GUCA1C: variants seen among roughly 807,000 people sequenced by gnomAD.
GUCA1C encodes the protein guanylate cyclase activator 1C.
GUCA1C carries 15 observed loss-of-function variants against 16.2 expected under a neutral mutation model. The observed-to-expected ratio is 0.93, with a 90% CI of 0.62 to 1.43. The LOEUF (loss-of-function observed/expected upper bound fraction) is 1.43. Among genes scored for constraint, GUCA1C ranks in the 40% most tolerant of loss-of-function variants. The pLI, the probability that GUCA1C is intolerant of heterozygous loss-of-function variation, is 0.00. For missense variants in GUCA1C, 275 were observed against 244.8 expected (o/e 1.12, Z -0.82); for synonymous variants, 78 against 85.4 (o/e 0.91, Z 0.48).
intron 1 of GUCA1C, among the ~76,000 whole-genome samples, chr3:108,938,319 A>C (rs1228411752): frequency 1.3e-5 from 2 of 152,170 alleles, no homozygotes; most frequent in Non-Finnish European, 2.9e-5. Context: ...TTTCTTTAAC[A>C]TATGACACTT....
intron 1 of GUCA1C, among the ~76,000 whole-genome samples, chr3:108,948,438 C>CT (rs1235212653): frequency 3.9e-5 from 6 of 152,176 alleles, no homozygotes; most frequent in Admixed American, 1.3e-4. Context: ...AATTAAACCT[C>CT]TTTTCTTTAT....
rs764783316 is a variant in GUCA1C at position 108,920,417 on chromosome 3, A to T, written c.354+19T>A. ...AACTATATAGCGGCCTGAAAAGGAT[A>T]CTTTACTACTTCACTTACCATGAAC... is the stretch of plus-strand genomic sequence containing the variant. On this transcript the variant is annotated intron_variant, in intron 2 of 3. Transcript: ENST00000261047. 4 of 1,591,232 alleles carry T rather than the reference A, an allele frequency of 2.5e-6. No individual in the cohort carries two copies. Among genetic ancestry groups the T allele is most frequent in the Non-Finnish European group, 3.4e-6 (4 of 1,160,026 alleles).
In GUCA1C at chr3:108,953,594, T is replaced by A. The variant is rs774789002; in HGVS notation, c.169A>T (p.Ile57Phe). 2.7e-5 allele frequency: 44 copies of A among 1,609,730 alleles called. No homozygotes were observed. Among genetic ancestry groups the A allele is most frequent in the Non-Finnish European group, 3.5e-5 (41 of 1,176,118 alleles). Residue 57 changes from isoleucine (I) to phenylalanine (F), a missense_variant, in exon 1 of 4, where the codon ATT (isoleucine) becomes TTT (phenylalanine). Physicochemically the swap from Ile to Phe is conservative, Grantham distance 21 (BLOSUM62 0). Transcript: ENST00000261047. Reference sequence around the variant, plus strand: ...TCAAAGGTATTATAAACTTGATCAATATGTTTATTGGCCTTCTGATTCAGA... The same window carrying A: ...TCAAAGGTATTATAAACTTGATCAAAATGTTTATTGGCCTTCTGATTCAGA... Reference protein sequence around the residue: ...QGLNQKANKHIDQVYNTFDTN... With the variant: ...QGLNQKANKHFDQVYNTFDTN...
chr3:108,936,040 G>C (rs1946724304), intron 1 of GUCA1C, among the ~76,000 whole-genome samples: 1 of 152,018 alleles, frequency 6.6e-6, no homozygotes, highest in Non-Finnish European at 1.5e-5. Context: ...TAAGACAGGT[G>C]AATCGCTTGA....
intron 3 of GUCA1C, among the ~76,000 whole-genome samples, chr3:108,908,870 T>A (rs1946418971): frequency 6.6e-6 from 1 of 152,192 alleles, no homozygotes; most frequent in Non-Finnish European, 1.5e-5. Flanking sequence ...CAAACATTTT[T>A]GGGGAGGGGG....
intron 1 of GUCA1C, among the ~76,000 whole-genome samples, chr3:108,931,704 T>C (rs1219568784): frequency 6.6e-6 from 1 of 152,094 alleles, no homozygotes; most frequent in Non-Finnish European, 1.5e-5. Flanking sequence ...AAAAAATTAT[T>C]GTTTTCAGTT....
At chr3:108,910,403 C>G (rs1222318306) in intron 3 of GUCA1C, among the ~76,000 whole-genome samples, 1 of 151,376 alleles carries the variant, frequency 6.6e-6, no homozygotes, top group Non-Finnish European at 1.5e-5. Flanking sequence ...GAGGCTGAGG[C>G]AGGAGATTCG....
chr3:108,928,571 C>T (rs1946642441), intron 1 of GUCA1C, among the ~76,000 whole-genome samples: 1 of 152,122 alleles, frequency 6.6e-6, no homozygotes, highest in Non-Finnish European at 1.5e-5. Context: ...TATAGTTTTG[C>T]ATTTTATATT....
chr3:108,948,416 G>C (rs1946864551), intron 1 of GUCA1C, among the ~76,000 whole-genome samples: 1 of 152,156 alleles, frequency 6.6e-6, no homozygotes, highest in African/African-American at 2.4e-5. Context: ...GCAGCCTGCA[G>C]AACTGTAAGC....
At chr3:108,920,292 A>G (rs1946556693) in intron 2 of GUCA1C, 144 bp downstream of exon 2, 1 of 648,340 alleles carries the variant, frequency 1.5e-6, no homozygotes, top group African/African-American at 1.9e-5. Flanking sequence ...CAATAGGTTA[A>G]GTAAAGCTTA....
intron 1 of GUCA1C, among the ~76,000 whole-genome samples, chr3:108,941,825 G>T (rs1434660578): frequency 6.6e-6 from 1 of 152,200 alleles, no homozygotes; most frequent in Admixed American, 6.5e-5. Flanking sequence ...AGTGCTCTGA[G>T]TGTCTCATTT....
At chr3:108,945,642 C>G (rs1946837190) in intron 1 of GUCA1C, among the ~76,000 whole-genome samples, 3 of 152,162 alleles carry the variant, frequency 2.0e-5, no homozygotes, top group Non-Finnish European at 4.4e-5. Flanking sequence ...GTCTTCTGTG[C>G]TATCTTTAAA....
At chr3:108,931,009 C>T (rs895632431) in intron 1 of GUCA1C, among the ~76,000 whole-genome samples, 3 of 152,170 alleles carry the variant, frequency 2.0e-5, no homozygotes, top group Non-Finnish European at 4.4e-5. Context: ...ACCAGAGGTA[C>T]ATTTACTCCC....
chr3:108,937,642 T>C (rs991720608), intron 1 of GUCA1C, among the ~76,000 whole-genome samples: 2 of 152,254 alleles, frequency 1.3e-5, no homozygotes, highest in African/African-American at 4.8e-5. Context: ...GGTGTTGATG[T>C]AATACTTGCT....
chr3:108,919,540 A>G (rs553998036), intron 2 of GUCA1C, among the ~76,000 whole-genome samples: 2 of 152,280 alleles, frequency 1.3e-5, no homozygotes, highest in East Asian at 3.9e-4. Context: ...CAATATCGGT[A>G]TTATCCTACC....
At chr3:108,914,773 G>A (rs62266504) in intron 3 of GUCA1C, among the ~76,000 whole-genome samples, 2 of 152,058 alleles carry the variant, frequency 1.3e-5, no homozygotes. Context: ...CGATGACCAC[G>A]ATTTTCAGTG....
chr3:108,936,579 CCACT>C (rs1370936280), intron 1 of GUCA1C, among the ~76,000 whole-genome samples: 1 of 152,150 alleles, frequency 6.6e-6, no homozygotes, highest in African/African-American at 2.4e-5. Flanking sequence ...TTGGTACCAC[CCACT>C]GTTACCCTCA....
chr3:108,949,706 G>C (rs1198648481), intron 1 of GUCA1C, among the ~76,000 whole-genome samples: 1 of 152,104 alleles, frequency 6.6e-6, no homozygotes, highest in African/African-American at 2.4e-5. Flanking sequence ...AGCAGTGTCA[G>C]GCACATCATA....
At chr3:108,947,588 C>G (rs1302584819) in intron 1 of GUCA1C, among the ~76,000 whole-genome samples, 1 of 152,114 alleles carries the variant, frequency 6.6e-6, no homozygotes, top group Non-Finnish European at 1.5e-5. Flanking sequence ...TGGCATAGTA[C>G]TTATGGTTTA....
Sources: allele counts gnomAD v4.1 joint callset (sites outside exome capture counted in the v4.1 genomes callset), GRCh38; gene constraint gnomAD v4.1.1; transcripts MANE v1.5; gene names NCBI Gene and HGNC (gene_info 2026-07-23, HGNC 2026-07-21).